Variants in CMPK2 observed in about 807,000 individuals in gnomAD.
CMPK2 encodes UMP-CMP kinase 2, mitochondrial.
CMPK2 carries 32 observed loss-of-function variants against 33.4 expected under a neutral mutation model. The observed-to-expected ratio is 0.96, with a 90% CI of 0.72 to 1.29. CMPK2 has a LOEUF of 1.29. Among genes scored for constraint, CMPK2 ranks in the 50% most tolerant of loss-of-function variants. The pLI is 0.00. For missense variants in CMPK2, 672 were observed against 616.0 expected (o/e 1.09, Z -0.96); for synonymous variants, 299 against 275.3 (o/e 1.09, Z -0.85).
downstream of CMPK2, among the ~76,000 whole-genome samples, chr2:6,845,100 T>C (rs1407895173): frequency 6.6e-6 from 1 of 152,136 alleles, no homozygotes; most frequent in Non-Finnish European, 1.5e-5. Flanking sequence ...AAGATTTGGG[T>C]TGTCTCGCAG....
At chr2:6,843,394 T>C (rs923804812), downstream of CMPK2, among the ~76,000 whole-genome samples, 1 of 151,990 alleles carries the variant, frequency 6.6e-6, no homozygotes, top group Non-Finnish European at 1.5e-5. Flanking sequence ...AATAGTGGAG[T>C]GTTACAAGGG....
rs59168059 is a variant in CMPK2 at position 6,857,639 on chromosome 2, C to CTT, written c.992+3543_992+3544dup. On this transcript the variant is annotated intron_variant, in intron 3 of 4. Coordinates refer to ENST00000256722, the MANE Select transcript of CMPK2 (RefSeq NM_207315.4). ...GACCTAAAGCTATTTCTTTTCTTTT[C>CTT]TTTTTTTTTTTTTTTGAGACGGAGT... Among the ~76,000 whole-genome samples the CTT allele has an allele frequency of 9.7e-3, 1,282 of 131,630 alleles. 23 individuals carry two copies. The highest frequency in any genetic ancestry group is 0.015 in the African/African-American group (516 of 34,918). The allele number at this position is 131,630 out of a possible 152,430, so 86.4% of individuals were successfully genotyped here.
At chr2:6,854,470 T>G (rs951470776) in intron 3 of CMPK2, among the ~76,000 whole-genome samples, 2 of 152,312 alleles carry the variant, frequency 1.3e-5, no homozygotes, top group Admixed American at 1.3e-4. Context: ...TGCTCTTTTC[T>G]TTTCATCTGA....
chr2:6,858,000 T>A (rs945093234), intron 3 of CMPK2, among the ~76,000 whole-genome samples: 1 of 152,152 alleles, frequency 6.6e-6, no homozygotes. Context: ...CAGAATAAAA[T>A]CCATTCTATG....
chr2:6,850,266 T>C (rs1426523206), intron 4 of CMPK2, among the ~76,000 whole-genome samples: 1 of 152,230 alleles, frequency 6.6e-6, no homozygotes, highest in Non-Finnish European at 1.5e-5. Context: ...GGAAGACTAT[T>C]GTCATCCCTG....
In CMPK2 at chr2:6,865,005, G is replaced by A. The variant is rs2103230098; in HGVS notation, c.675+17C>T. 7.1e-7 allele frequency: 1 copy of A among 1,403,578 alleles called. No homozygotes were observed. The highest frequency in any genetic ancestry group is 9.3e-7 in the Non-Finnish European group (1 of 1,076,628). The allele number at this position is 1,403,578 out of a possible 1,614,324, so 86.9% of individuals were successfully genotyped here. On this transcript the variant is annotated intron_variant, in intron 1 of 4. Transcript: ENST00000256722. ...TCAGATGCCACGCTGGGAGCTGGAAGCGGACAGAACTCTTACCTCCTCCAA... is the reference window on the plus strand; with the variant it reads ...TCAGATGCCACGCTGGGAGCTGGAAACGGACAGAACTCTTACCTCCTCCAA...
chr2:6,861,113 C>CACACAG lies in CMPK2; in HGVS notation c.992+70_992+71insCTGTGT, dbSNP rs1336631732. The CACACAG allele has an allele frequency of 2.0e-5, 26 of 1,288,218 alleles. No individual in the cohort carries two copies. In the African/African-American group the frequency reaches 3.5e-4, roughly 17 times the overall value. 79.8% of individuals were successfully genotyped at this position (1,288,218 alleles called of 1,614,324 possible). On this transcript the variant is annotated intron_variant, in intron 3 of 4. Transcript: ENST00000256722. ...ACGTATACACACACACGCACACACA[C>CACACAG]ACACACACACACACCCACACACTTA...
intron 2 of CMPK2, 82 bp from the exon 3 acceptor site, chr2:6,861,467 T>C: frequency 9.9e-7 from 1 of 1,006,056 alleles, no homozygotes; most frequent in Non-Finnish European, 1.5e-6. Flanking sequence ...AGACGTTCTC[T>C]CAAACTGCAA....
At chr2:6,847,386 A>G (rs1662388781), downstream of CMPK2, among the ~76,000 whole-genome samples, 1 of 152,210 alleles carries the variant, frequency 6.6e-6, no homozygotes, top group Non-Finnish European at 1.5e-5. Context: ...TATACAAAGG[A>G]CAAAGGTGTT....
At chr2:6,866,396 GTGCACACACTCACCTT>G (rs1407878356), upstream of CMPK2, 44 of 974,008 alleles carry the variant, frequency 4.5e-5, no homozygotes, top group Middle Eastern at 5.2e-4. Flanking sequence ...TCACTCACCT[GTGCACACACTCACCTT>G]TGCACACACT....
rs1478982659 is a variant in CMPK2, at chr2:6,849,243, C to T, written c.*607G>A. 1.0e-6 allele frequency: 1 copy of T among 985,328 alleles called. No homozygotes were observed. Among genetic ancestry groups the T allele is most frequent in the African/African-American group, 1.7e-5 (1 of 57,224 alleles). The allele number at this position is 985,328 out of a possible 1,614,324, so 61.0% of individuals were successfully genotyped here. ...TATCAAAAGGGCTCTGAGCCTCAGA[C>T]ACAAGATCAATGCCTTCTTTGTAAG... is the stretch of plus-strand genomic sequence containing the variant. On this transcript the variant is annotated 3_prime_UTR_variant, in exon 5 of 5. Coordinates refer to ENST00000256722, the MANE Select transcript of CMPK2 (RefSeq NM_207315.4).
chr2:6,856,460 GTGACT>G (rs1662707222), intron 3 of CMPK2, among the ~76,000 whole-genome samples: 1 of 152,140 alleles, frequency 6.6e-6, no homozygotes, highest in South Asian at 2.1e-4. Context: ...CTGGGTACAG[GTGACT>G]TGACTGTGTT....
downstream of CMPK2, among the ~76,000 whole-genome samples, chr2:6,845,716 T>C (rs1297578421): frequency 6.6e-6 from 1 of 152,260 alleles, no homozygotes; most frequent in Non-Finnish European, 1.5e-5. Flanking sequence ...ATGCAGGGAA[T>C]GTCCTAATAC....
At chr2:6,846,219 G>A (rs1179644870), downstream of CMPK2, among the ~76,000 whole-genome samples, 4 of 152,210 alleles carry the variant, frequency 2.6e-5, no homozygotes, top group Non-Finnish European at 5.9e-5. Context: ...AGCAAGCCCA[G>A]ACCGTAAGAA....
In CMPK2 at chr2:6,849,479, G is replaced by T. The variant is rs1023459609; in HGVS notation, c.*371C>A. 23 of 1,023,848 alleles carry T rather than the reference G, an allele frequency of 2.2e-5. No homozygotes were observed. Among genetic ancestry groups the T allele is most frequent in the East Asian group, 1.1e-4 (1 of 9,246 alleles). The allele number at this position is 1,023,848 out of a possible 1,614,324, so 63.4% of individuals were successfully genotyped here. ...GTGTAGGAGAAGCAGAGGCTCCGGG[G>T]TCTCCCTGCTGATCTGGAAGATCTT... On this transcript the variant is annotated 3_prime_UTR_variant, in exon 5 of 5. Coordinates refer to ENST00000256722, the MANE Select transcript of CMPK2 (RefSeq NM_207315.4).
At chr2:6,841,241 C>T (rs1662225814) in intron 3 of CMPK2, among the ~76,000 whole-genome samples, 1 of 152,192 alleles carries the variant, frequency 6.6e-6, no homozygotes, top group South Asian at 2.1e-4. Context: ...CATAGAAATG[C>T]CTCTACCCAG....
chr2:6,861,364 G>C lies in CMPK2; in HGVS notation c.812C>G (p.Ser271Ter), dbSNP rs200690985. The change falls in exon 3 of 5, where the codon TCA (serine) becomes TGA (stop). Residue 271 changes from serine to a stop codon, truncating the protein, a stop_gained. Coordinates refer to ENST00000256722, the MANE Select transcript of CMPK2 (RefSeq NM_207315.4). LOFTEE classifies it high-confidence loss of function. The part of the protein sequence containing the change: ...DATGKTTVTQ[S>*]VADSLKAVLL... The stretch of plus-strand genomic sequence containing the variant: ...GACAGCCTTAAGTGAATCTGCCACT[G>C]ACTGGGTCACCGTGGTTTTACCTGC... 6.2e-7 allele frequency: 1 copy of C among 1,614,020 alleles called. No individual in the cohort carries two copies. The highest frequency in any genetic ancestry group is 8.5e-7 in the Non-Finnish European group (1 of 1,180,016).
intron 3 of CMPK2, among the ~76,000 whole-genome samples, chr2:6,852,272 C>T (rs1158243100): frequency 6.6e-6 from 1 of 152,212 alleles, no homozygotes; most frequent in Non-Finnish European, 1.5e-5. Context: ...AAGTCAGTCG[C>T]TCCTTCTGCT....
intron 3 of CMPK2, among the ~76,000 whole-genome samples, chr2:6,852,446 TA>T (rs1045900094): frequency 3.3e-5 from 5 of 152,166 alleles, no homozygotes; most frequent in African/African-American, 4.8e-5. Context: ...TGCACCTGCT[TA>T]CCTTTTCCTC....
Sources: allele counts gnomAD v4.1 joint callset (sites outside exome capture counted in the v4.1 genomes callset), GRCh38; gene constraint gnomAD v4.1.1; transcripts MANE v1.5; gene names NCBI Gene and HGNC (gene_info 2026-07-23, HGNC 2026-07-21).